The following MEIS2 variants were observed in gnomAD, a reference collection of about 807,000 sequenced individuals.
MEIS2 encodes the protein homeobox protein Meis2.
MEIS2 carries 9 observed loss-of-function variants against 58.6 expected under a neutral mutation model. The ratio of observed to expected loss-of-function variants is 0.15; its 90% CI spans 0.09 to 0.27. The LOEUF is 0.27. Among genes scored for constraint, MEIS2 ranks in the 10% least tolerant of loss-of-function variants. MEIS2 has a pLI of 1.00. For synonymous variants in MEIS2, 221 were observed against 228.4 expected, an observed-to-expected ratio of 0.97 and a Z score of 0.29; for missense variants, 427 against 635.0, an observed-to-expected ratio of 0.67 and a Z score of 3.52.
chr15:37,093,551 T>A (rs1893819194), intron 6 of MEIS2, 30 bp downstream of exon 6: 2 of 1,612,530 alleles, frequency 1.2e-6, no homozygotes, highest in African/African-American at 1.3e-5. Flanking sequence ...CCAGTGGCCT[T>A]AAAAGATTGC....
intron 8 of MEIS2, among the ~76,000 whole-genome samples, chr15:36,976,612 G>A (rs892931526): frequency 6.6e-6 from 1 of 151,518 alleles, no homozygotes; most frequent in Non-Finnish European, 1.5e-5. Flanking sequence ...ATATCTCTGT[G>A]CCTAGGAACC....
chr15:36,927,083 G>C (rs555647937), intron 9 of MEIS2, among the ~76,000 whole-genome samples: 1 of 152,256 alleles, frequency 6.6e-6, no homozygotes, highest in Admixed American at 6.5e-5. Context: ...CGATGTGCTT[G>C]GCATTCTTTA....
intron 11 of MEIS2, among the ~76,000 whole-genome samples, 185 bp from the exon 12 acceptor site, chr15:36,892,644 C>T (rs1239295049): frequency 2.6e-5 from 4 of 151,918 alleles, no homozygotes; most frequent in South Asian, 2.1e-4. Context: ...TTAATTTCAT[C>T]GCACAGCAGT....
intron 9 of MEIS2, among the ~76,000 whole-genome samples, chr15:36,941,557 A>G (rs970237758): frequency 2.0e-5 from 3 of 152,208 alleles, no homozygotes; most frequent in African/African-American, 7.2e-5. Context: ...GCAGAGATCA[A>G]GAAAGGTAGC....
intron 8 of MEIS2, among the ~76,000 whole-genome samples, chr15:36,971,903 A>G (rs914104025): frequency 7.2e-5 from 11 of 152,196 alleles, no homozygotes; most frequent in Non-Finnish European, 1.3e-4. Context: ...GGAAAAGAAT[A>G]TATTTGGACA....
intron 7 of MEIS2, among the ~76,000 whole-genome samples, chr15:37,059,093 G>C (rs1412979157): frequency 6.6e-6 from 1 of 152,180 alleles, no homozygotes; most frequent in African/African-American, 2.4e-5. Context: ...GAGGAGATAA[G>C]TTTATTTGCC....
At chr15:36,910,968 C>T (rs2056986976) in intron 9 of MEIS2, among the ~76,000 whole-genome samples, 1 of 151,114 alleles carries the variant, frequency 6.6e-6, no homozygotes, top group African/African-American at 2.4e-5. Flanking sequence ...TGGCTTGAGC[C>T]CGGGAGGCGG....
chr15:37,002,905 A>C (rs926166706), intron 8 of MEIS2, among the ~76,000 whole-genome samples: 13 of 152,150 alleles, frequency 8.5e-5, no homozygotes, highest in Non-Finnish European at 1.6e-4. Context: ...TGCTACAACA[A>C]AATTTGTTTT....
intron 6 of MEIS2, among the ~76,000 whole-genome samples, chr15:37,087,828 A>G (rs1162993999): frequency 6.6e-6 from 1 of 152,166 alleles, no homozygotes; most frequent in East Asian, 1.9e-4. Context: ...TTATTTCCCT[A>G]TTTAAATGAT....
At chr15:36,923,701 T>C (rs2057618477) in intron 9 of MEIS2, among the ~76,000 whole-genome samples, 1 of 152,244 alleles carries the variant, frequency 6.6e-6, no homozygotes, top group East Asian at 1.9e-4. Flanking sequence ...AAGTCTTTCC[T>C]CACTGAGTCC....
intron 7 of MEIS2, among the ~76,000 whole-genome samples, chr15:37,073,537 A>G (rs1890988178): frequency 6.6e-6 from 1 of 152,050 alleles, no homozygotes. Flanking sequence ...CTACACTAAG[A>G]AGAGGTCTTG....
At chr15:37,028,231 G>A (rs2061776735) in intron 8 of MEIS2, among the ~76,000 whole-genome samples, 1 of 152,152 alleles carries the variant, frequency 6.6e-6, no homozygotes, top group South Asian at 2.1e-4. Context: ...GTCTTAAAAT[G>A]TTTTTGCATT....
intron 9 of MEIS2, among the ~76,000 whole-genome samples, chr15:36,943,042 T>C (rs971036135): frequency 6.6e-6 from 1 of 152,152 alleles, no homozygotes. Flanking sequence ...AAAAAAATGT[T>C]TTTTTAAAAT....
intron 9 of MEIS2, among the ~76,000 whole-genome samples, chr15:36,917,137 G>A (rs1255660040): frequency 6.6e-6 from 1 of 152,114 alleles, no homozygotes; most frequent in Non-Finnish European, 1.5e-5. Flanking sequence ...AACAGCAACC[G>A]GATCACAAGC....
At chr15:36,956,021 C>CAAA (rs757524401) in intron 8 of MEIS2, among the ~76,000 whole-genome samples, 1,777 of 46,600 alleles carry the variant, frequency 0.038, 145 homozygotes, top group African/African-American at 0.13. Context: ...ACTAAAAATA[C>CAAA]AAAAAAAAAA....
chr15:36,955,637 C>G (rs1321169740), intron 8 of MEIS2, among the ~76,000 whole-genome samples: 1 of 152,118 alleles, frequency 6.6e-6, no homozygotes, highest in African/African-American at 2.4e-5. Context: ...CTCTCTGACT[C>G]TCTTTCTCTG....
intron 9 of MEIS2, among the ~76,000 whole-genome samples, chr15:36,940,915 C>A (rs1038538811): frequency 6.6e-6 from 1 of 152,118 alleles, no homozygotes; most frequent in Non-Finnish European, 1.5e-5. Flanking sequence ...TTTTACACAT[C>A]ACTTGTTTCC....
chr15:37,039,514 C>T (rs769108879), intron 7 of MEIS2, among the ~76,000 whole-genome samples: 2 of 152,156 alleles, frequency 1.3e-5, no homozygotes, highest in Non-Finnish European at 2.9e-5. Context: ...TTAACCCAAT[C>T]AATGACCTTA....
intron 11 of MEIS2, among the ~76,000 whole-genome samples, chr15:36,892,747 TA>T (rs1340574155): frequency 3.3e-5 from 5 of 152,344 alleles, no homozygotes; most frequent in Admixed American, 2.6e-4. Context: ...ATTTCTTTGA[TA>T]AATGCAATAA....
Sources: allele counts gnomAD v4.1 joint callset (sites outside exome capture counted in the v4.1 genomes callset), GRCh38; gene constraint gnomAD v4.1.1; transcripts MANE v1.5; gene names NCBI Gene and HGNC (gene_info 2026-07-23, HGNC 2026-07-21).